The following RBFOX3 variants were observed in gnomAD, a reference collection of about 807,000 sequenced individuals.
RBFOX3 encodes RNA binding fox-1 homolog 3, also known as RNA binding protein fox-1 homolog 3.
RBFOX3 carries 17 observed loss-of-function variants against 48.7 expected under a neutral mutation model. That is an observed-to-expected ratio of 0.35 (90% CI 0.24 to 0.52). The LOEUF is 0.52. RBFOX3 is among the 20% of genes least tolerant of loss of function. RBFOX3 has a pLI of 0.94. For synonymous variants in RBFOX3, 212 were observed against 209.5 expected (o/e 1.01, Z -0.10); for missense variants, 382 against 497.5 (o/e 0.77, Z 2.21).
chr17:79,144,702 A>G (rs971492193), intron 4 of RBFOX3, among the ~76,000 whole-genome samples: 3 of 152,182 alleles, frequency 2.0e-5, no homozygotes, highest in Admixed American at 2.0e-4. Flanking sequence ...TGCCTCCTGA[A>G]GGCCAATGAA....
chr17:79,207,758 G>A (rs1375506131), intron 4 of RBFOX3, among the ~76,000 whole-genome samples: 1 of 152,152 alleles, frequency 6.6e-6, no homozygotes, highest in African/African-American at 2.4e-5. Context: ...TCGGCCACTT[G>A]GAGACTGGGG....
intron 4 of RBFOX3, among the ~76,000 whole-genome samples, chr17:79,135,732 C>T (rs2040036689): frequency 1.3e-5 from 2 of 152,224 alleles, no homozygotes; most frequent in Non-Finnish European, 2.9e-5. Flanking sequence ...TCCCTAAAAT[C>T]CACAAGCGGC....
chr17:79,326,510 CT>C (rs2079355795), intron 2 of RBFOX3, among the ~76,000 whole-genome samples: 1 of 152,190 alleles, frequency 6.6e-6, no homozygotes, highest in Non-Finnish European at 1.5e-5. Context: ...TCTATATATT[CT>C]TTCACCATAA....
chr17:79,553,785 T>G (rs1271896705), intron 1 of RBFOX3, among the ~76,000 whole-genome samples: 1 of 152,072 alleles, frequency 6.6e-6, no homozygotes. Context: ...CAGGCTGGAG[T>G]GCAGTGGTGC....
At chr17:79,541,721 C>A (rs1172696140) in intron 1 of RBFOX3, among the ~76,000 whole-genome samples, 3 of 152,192 alleles carry the variant, frequency 2.0e-5, no homozygotes, top group Non-Finnish European at 2.9e-5. Context: ...GGCAAGAGAC[C>A]GCTCACCCCG....
chr17:79,386,713 C>A (rs910191970), intron 2 of RBFOX3, among the ~76,000 whole-genome samples: 1 of 152,198 alleles, frequency 6.6e-6, no homozygotes, highest in South Asian at 2.1e-4. Context: ...TCCCTGCAGC[C>A]CTTGGGGTCC....
intron 1 of RBFOX3, among the ~76,000 whole-genome samples, chr17:79,489,407 G>C (rs1456904836): frequency 1.3e-5 from 2 of 152,106 alleles, no homozygotes; most frequent in Non-Finnish European, 2.9e-5. Flanking sequence ...CAATCCTCCT[G>C]CCTCAGTCCC....
At chr17:79,155,872 G>A (rs979415948) in intron 4 of RBFOX3, among the ~76,000 whole-genome samples, 3 of 152,140 alleles carry the variant, frequency 2.0e-5, no homozygotes, top group Admixed American at 6.5e-5. Context: ...GTTCCCACCC[G>A]CACCTCTCCT....
chr17:79,608,530 C>T lies in RBFOX3; in HGVS notation c.-320+2296G>A, dbSNP rs1205667259. On this transcript the variant is annotated intron_variant, in intron 1 of 14. Transcript: ENST00000693108. ...ATGGACAACTCACCCCAGAAAACCCCGGCCGTGCAAGCGCAAACAGCCCAG... is the reference window on the plus strand; with the variant it reads ...ATGGACAACTCACCCCAGAAAACCCTGGCCGTGCAAGCGCAAACAGCCCAG... Among the ~76,000 whole-genome samples the T allele has an allele frequency of 9.2e-5, 14 of 152,300 alleles. No homozygotes were observed. In the East Asian group the frequency reaches 9.7e-4, roughly 11 times the overall value.
chr17:79,255,723 C>A lies in RBFOX3; in HGVS notation c.-73-19918G>T, dbSNP rs542389828. Among the ~76,000 whole-genome samples, 192 of 152,194 alleles carry A rather than the reference C, an allele frequency of 1.3e-3. 2 individuals carry two copies. Among genetic ancestry groups the A allele is most frequent in the African/African-American group, 2.6e-3 (110 of 41,544 alleles). On this transcript the variant is annotated intron_variant, in intron 3 of 14. Coordinates refer to ENST00000693108, the MANE Select transcript of RBFOX3 (RefSeq NM_001350451.2). ...GCCTCCCAGTCCAGCTGATCACCAT[C>A]CCGGGGGCACCTGCAGCTCAGGGGC...
chr17:79,509,178 C>T (rs1385568564), intron 1 of RBFOX3, among the ~76,000 whole-genome samples: 17 of 152,250 alleles, frequency 1.1e-4, no homozygotes, highest in Admixed American at 3.9e-4. Context: ...TGGAGGGATC[C>T]GGGCAAGGGG....
intron 1 of RBFOX3, among the ~76,000 whole-genome samples, chr17:79,508,539 G>A (rs953275369): frequency 2.6e-5 from 4 of 152,124 alleles, no homozygotes; most frequent in African/African-American, 4.8e-5. Context: ...CTGCAGCACC[G>A]CGCTGGCTCG....
the RBFOX3 span, among the ~76,000 whole-genome samples, chr17:79,655,877 G>A: frequency 6.6e-6 from 1 of 151,984 alleles, no homozygotes; most frequent in South Asian, 2.1e-4. Flanking sequence ...AGACATTCTC[G>A]ACCTTCCCAC....
chr17:79,095,863 T>C (rs2075129107), intron 12 of RBFOX3, among the ~76,000 whole-genome samples: 1 of 152,196 alleles, frequency 6.6e-6, no homozygotes, highest in Non-Finnish European at 1.5e-5. Context: ...CACACATCCA[T>C]CTGTGCACTC....
rs2066828316 is a variant in RBFOX3, at chr17:79,423,593, C to T, written c.-175+58861G>A. The T allele has an allele frequency of 6.5e-6, 1 of 153,178 alleles. No homozygotes were observed. The highest frequency in any genetic ancestry group is 1.5e-5 in the Non-Finnish European group (1 of 68,098). 9.5% of individuals were successfully genotyped at this position (153,178 alleles called of 1,614,324 possible). A position where few individuals can be genotyped will look rare whatever the true frequency, so the allele number is the denominator to read the frequency against. ...AACGCCGCCACCTCTCCACGCTGGACACTGCCCCCTGTGCAAACGCAGCCC... is the reference window on the plus strand; with the variant it reads ...AACGCCGCCACCTCTCCACGCTGGATACTGCCCCCTGTGCAAACGCAGCCC... On this transcript the variant is annotated intron_variant, in intron 2 of 14. Transcript: ENST00000693108. This position sits in a 1 kb window ranked among gnomAD's most constrained non-coding sequence, Gnocchi z 4.9.
intron 2 of RBFOX3, among the ~76,000 whole-genome samples, chr17:79,450,384 G>A (rs892193836): frequency 1.1e-4 from 17 of 152,176 alleles, no homozygotes; most frequent in African/African-American, 4.1e-4. Context: ...GCCTATAGGA[G>A]CACCTCCCTA....
chr17:79,248,213 G>A (rs1477716275), intron 3 of RBFOX3, among the ~76,000 whole-genome samples: 1 of 152,184 alleles, frequency 6.6e-6, no homozygotes, highest in Non-Finnish European at 1.5e-5. Flanking sequence ...TGATGAAAAG[G>A]CTGGTGGCTT....
chr17:79,261,793 GT>G (rs1296672449), intron 3 of RBFOX3, among the ~76,000 whole-genome samples: 2 of 152,204 alleles, frequency 1.3e-5, no homozygotes, highest in East Asian at 3.9e-4. Flanking sequence ...CGCTTCCCCT[GT>G]TCACACAAGA....
intron 4 of RBFOX3, among the ~76,000 whole-genome samples, chr17:79,193,868 A>G (rs1011241050): frequency 6.6e-6 from 1 of 152,018 alleles, no homozygotes; most frequent in Non-Finnish European, 1.5e-5. Flanking sequence ...GCTGGCCCAC[A>G]GGAAGGTGGC....
Sources: allele counts gnomAD v4.1 joint callset (sites outside exome capture counted in the v4.1 genomes callset), GRCh38; gene constraint gnomAD v4.1.1; non-coding constraint Gnocchi (gnomAD v3.1); transcripts MANE v1.5; gene names NCBI Gene and HGNC (gene_info 2026-07-23, HGNC 2026-07-21).